The following CLIP2 variants were observed in gnomAD, a reference collection of about 807,000 sequenced individuals.
CLIP2 encodes the protein CAP-Gly domain containing linker protein 2, also known as CAP-Gly domain-containing linker protein 2.
Under a neutral mutation model 111.7 loss-of-function variants are expected in CLIP2, and 41 were observed. The observed-to-expected ratio is 0.37, with a 90% CI of 0.29 to 0.48. The LOEUF (loss-of-function observed/expected upper bound fraction) is 0.48, where lower values mean the gene tolerates loss of function less well. Among genes scored for constraint, CLIP2 ranks in the 20% least tolerant of loss-of-function variants. CLIP2 has a pLI of 0.99. For missense variants in CLIP2, 1,160 were observed against 1,422.1 expected, an observed-to-expected ratio of 0.82 and a Z score of 2.96; for synonymous variants, 660 against 644.2, an observed-to-expected ratio of 1.02 and a Z score of -0.37.
chr7:74,390,099 A>AAAAGAAAG (rs782212797), intron 13 of CLIP2, among the ~76,000 whole-genome samples: 2 of 146,578 alleles, frequency 1.4e-5, no homozygotes, highest in Admixed American at 7.0e-5. Context: ...TTAAAAAAAA[A>AAAAGAAAG]AAAGAAAGAA....
chr7:74,340,010 C>T (rs1242662643), intron 3 of CLIP2, among the ~76,000 whole-genome samples: 1 of 152,098 alleles, frequency 6.6e-6, no homozygotes, highest in African/African-American at 2.4e-5. Flanking sequence ...GGGAGGATGG[C>T]TTGATCCTGG....
intron 11 of CLIP2, among the ~76,000 whole-genome samples, chr7:74,384,774 A>T (rs1281765474): frequency 6.0e-5 from 9 of 150,416 alleles, no homozygotes; most frequent in African/African-American, 2.2e-4. Context: ...TAAATTTTTG[A>T]GGAACTGCCA....
intron 1 of CLIP2, among the ~76,000 whole-genome samples, chr7:74,309,003 G>A (rs1788568057): frequency 6.6e-6 from 1 of 151,854 alleles, no homozygotes; most frequent in Non-Finnish European, 1.5e-5. Context: ...CAGTAGCTCG[G>A]ACTACAGGCA....
Position 74,293,272 on chromosome 7 carries a change from C to CG in CLIP2, c.-68+3541dup, listed in dbSNP as rs1489436659. On this transcript the variant is annotated intron_variant, in intron 1 of 16. Transcript: ENST00000223398. ...AACAATTGGAGGCGACCTGGCCCCC[C>CG]GGGACCCCGGAAGCTGGCAGGCAGC... is the stretch of plus-strand genomic sequence containing the variant. Among the ~76,000 whole-genome samples the CG allele has an allele frequency of 2.6e-5, 4 of 152,302 alleles. No homozygotes were observed. In the East Asian group the frequency reaches 7.7e-4, roughly 29 times the overall value.
intron 3 of CLIP2, among the ~76,000 whole-genome samples, chr7:74,348,633 C>CA (rs1178133775): frequency 6.6e-6 from 1 of 151,452 alleles, no homozygotes; most frequent in South Asian, 2.1e-4. Flanking sequence ...ACTAAAAATA[C>CA]AAAAAAATTA....
Position 74,389,059 on chromosome 7 carries a change from G to GT in CLIP2, c.2564-43dup, listed in dbSNP as rs1554315316. 1.9e-6 allele frequency: 3 copies of GT among 1,563,634 alleles called. No homozygotes were observed. The South Asian group carries it at 3.7e-5, about 19-fold the overall frequency. ...GCCCTTGGGTGGGACAGAAGCTCAC[G>GT]TGTTCCCAATCCTCTTCCTCCCTTC... On this transcript the variant is annotated intron_variant, in intron 12 of 16. Coordinates refer to ENST00000223398, the MANE Select transcript of CLIP2 (RefSeq NM_003388.5).
chr7:74,347,903 G>A (rs1789848713), intron 3 of CLIP2, among the ~76,000 whole-genome samples: 1 of 152,078 alleles, frequency 6.6e-6, no homozygotes, highest in African/African-American at 2.4e-5. Flanking sequence ...AAACAGCCCA[G>A]GGGCGGGGGC....
Position 74,376,829 on chromosome 7 carries a change from G to T in CLIP2, c.2421+7G>T. On this transcript the variant is annotated splice_region_variant and intron_variant, in intron 10 of 16. Transcript: ENST00000223398. This position sits in a 1 kb window ranked among gnomAD's most constrained non-coding sequence, Gnocchi z 7.1. Reference sequence around the variant, plus strand: ...CTCCTCCCAGCACACCCACGTAGGCGCCTGCCCCTCCTGCTGGGGCGGGAG... The same window carrying T: ...CTCCTCCCAGCACACCCACGTAGGCTCCTGCCCCTCCTGCTGGGGCGGGAG... 6.4e-7 allele frequency: 1 copy of T among 1,564,762 alleles called. No individual in the cohort carries two copies. The highest frequency in any genetic ancestry group is 8.6e-7 in the Non-Finnish European group (1 of 1,156,382).
At chr7:74,391,056 A>T (rs1554315795) in intron 13 of CLIP2, among the ~76,000 whole-genome samples, 3 of 152,190 alleles carry the variant, frequency 2.0e-5, no homozygotes, top group Non-Finnish European at 4.4e-5. Flanking sequence ...TCAAAAAAAA[A>T]AGTAACTATT....
intron 13 of CLIP2, among the ~76,000 whole-genome samples, chr7:74,396,023 G>A (rs1027637849): frequency 2.0e-5 from 3 of 152,270 alleles, no homozygotes; most frequent in Middle Eastern, 3.4e-3. Flanking sequence ...TTCTCTACCC[G>A]TGGCCACCTA....
intron 8 of CLIP2, among the ~76,000 whole-genome samples, chr7:74,367,074 A>T (rs569771614): frequency 1.3e-5 from 2 of 152,272 alleles, no homozygotes; most frequent in African/African-American, 4.8e-5. Flanking sequence ...GACAGCAGTC[A>T]CTGGATTTAG....
chr7:74,298,593 C>T (rs917146594), intron 1 of CLIP2, among the ~76,000 whole-genome samples: 4 of 135,310 alleles, frequency 3.0e-5, no homozygotes, highest in Non-Finnish European at 6.5e-5. Flanking sequence ...AGTGGCGTGG[C>T]GTGATCTCGG....
chr7:74,310,262 A>G (rs1209276029), intron 1 of CLIP2, among the ~76,000 whole-genome samples: 1 of 151,108 alleles, frequency 6.6e-6, no homozygotes, highest in Non-Finnish European at 1.5e-5. Context: ...TGGCGGCTCA[A>G]TCCTGTAATC....
chr7:74,306,540 C>T (rs373982347), intron 1 of CLIP2, among the ~76,000 whole-genome samples: 9 of 152,260 alleles, frequency 5.9e-5, no homozygotes, highest in Admixed American at 3.3e-4. Context: ...ATTTGGCACC[C>T]GTCCCCCTCC....
intron 14 of CLIP2, 143 bp downstream of exon 14, chr7:74,397,376 T>C (rs1462171205): frequency 4.2e-6 from 4 of 943,432 alleles, no homozygotes; most frequent in Non-Finnish European, 6.2e-6. Flanking sequence ...TGAAATCTTC[T>C]AGGACCACAG....
intron 1 of CLIP2, among the ~76,000 whole-genome samples, chr7:74,305,686 GT>G (rs1465009294): frequency 1.3e-5 from 2 of 152,104 alleles, no homozygotes; most frequent in Non-Finnish European, 2.9e-5. Flanking sequence ...TAGAGATGGG[GT>G]TTCGCCATGT....
intron 11 of CLIP2, among the ~76,000 whole-genome samples, chr7:74,384,456 T>G (rs1207179467): frequency 1.4e-5 from 2 of 143,376 alleles, no homozygotes; most frequent in African/African-American, 5.2e-5. Flanking sequence ...TTTTTTTTTT[T>G]TTTTTTTGAG....
chr7:74,319,423 G>A (rs1307683381), intron 2 of CLIP2, among the ~76,000 whole-genome samples: 3 of 152,072 alleles, frequency 2.0e-5, no homozygotes, highest in African/African-American at 4.8e-5. Context: ...CATGAGAATC[G>A]GTTGGACTTA....
rs1406387003 is a variant in CLIP2, at chr7:74,364,994, TGTGTGTGTGTG to T, written c.1380+680_1380+690del. 1.1e-3 allele frequency: 6 copies of T among 5,620 alleles called. No homozygotes were observed. The East Asian group carries it at 0.083, about 78-fold the overall frequency. 0.3% of individuals were successfully genotyped at this position (5,620 alleles called of 1,614,324 possible). A position where few individuals can be genotyped will look rare whatever the true frequency, so the allele number is the denominator to read the frequency against. ...AGCTATGATTGCGCCTGTTTTTTGT[TGTGTGTGTGTG>T]TGTGTGTGTGTGTGTGTGTGTGTGT... On this transcript the variant is annotated intron_variant, in intron 8 of 16. Transcript: ENST00000223398.
Sources: gnomAD v4.1 joint callset for allele counts (sites outside exome capture counted in the v4.1 genomes callset) on GRCh38, gnomAD v4.1.1 for gene constraint, Gnocchi (gnomAD v3.1) non-coding constraint, MANE v1.5 for transcripts, NCBI Gene and HGNC (gene_info 2026-07-23, HGNC 2026-07-21) for gene names.